The following RRAGC variants were observed in gnomAD, a reference collection of about 807,000 sequenced individuals.
The protein encoded by RRAGC is Ras related GTP binding C, also known as ras-related GTP-binding protein C.
RRAGC carries 8 observed loss-of-function variants against 37.1 expected under a neutral mutation model. The ratio of observed to expected loss-of-function variants is 0.22; its 90% CI spans 0.13 to 0.39. The LOEUF is 0.39. Ranked by LOEUF, RRAGC falls within the 10% of genes least tolerant of loss-of-function variation. RRAGC has a pLI of 1.00. For synonymous variants in RRAGC, 190 were observed against 181.1 expected, an observed-to-expected ratio of 1.05 and a Z score of -0.39; for missense variants, 342 against 497.6, an observed-to-expected ratio of 0.69 and a Z score of 2.98.
intron 1 of RRAGC, among the ~76,000 whole-genome samples, chr1:38,858,124 A>G (rs1341176591): frequency 2.6e-5 from 4 of 151,332 alleles, no homozygotes; most frequent in African/African-American, 7.3e-5. Flanking sequence ...ACCTACAGTC[A>G]ACGTACCCAA....
At chr1:38,844,248 T>C (rs2124217380) in intron 6 of RRAGC, among the ~76,000 whole-genome samples, 1 of 152,120 alleles carries the variant, frequency 6.6e-6, no homozygotes, top group African/African-American at 2.4e-5. Context: ...TGACATGACG[T>C]TGAAGGTAAC....
rs1642003353 is a variant in RRAGC, at chr1:38,844,326, G to C, written c.1048+1613C>G. Among the ~76,000 whole-genome samples the C allele has an allele frequency of 2.0e-5, 3 of 151,878 alleles. No homozygotes were observed. The East Asian group carries it at 5.8e-4, about 29-fold the overall frequency. ...ACATGGGACGAGAGCATGATCCCAA[G>C]TCATAGCTGGAGATGTGAATTTTTC... On this transcript the variant is annotated intron_variant, in intron 6 of 6. Coordinates refer to ENST00000373001, the MANE Select transcript of RRAGC (RefSeq NM_022157.4).
intron 6 of RRAGC, among the ~76,000 whole-genome samples, chr1:38,841,653 C>G (rs1343116712): frequency 6.7e-6 from 1 of 150,216 alleles, no homozygotes; most frequent in Non-Finnish European, 1.5e-5. Context: ...TGTGAGCCAC[C>G]ACACCCACTC....
At chr1:38,852,532 T>C (rs1167149483) in intron 3 of RRAGC, 44 bp from the exon 4 acceptor site, 1 of 909,778 alleles carries the variant, frequency 1.1e-6, no homozygotes, top group Admixed American at 2.1e-5. Context: ...AAATACCTTA[T>C]GTTCTATGAC....
intron 3 of RRAGC, among the ~76,000 whole-genome samples, chr1:38,854,845 G>C (rs996598938): frequency 1.3e-5 from 2 of 152,044 alleles, no homozygotes; most frequent in African/African-American, 4.8e-5. Flanking sequence ...CAATAGAACG[G>C]GGACAGAGAA....
Position 38,859,342 on chromosome 1 carries a change from GGGCGTCCCCGCTACC to G in RRAGC, c.237+53_237+67del, listed in dbSNP as rs1002638290. Reference sequence around the variant, plus strand: ...GGCGGGCCCCGGCCGCCGCCCTCCCGGGCGTCCCCGCTACCGGCCACCTGAGAACCGGGGAGGGGG... The same window carrying G: ...GGCGGGCCCCGGCCGCCGCCCTCCCGGGCCACCTGAGAACCGGGGAGGGGG... On this transcript the variant is annotated intron_variant, in intron 1 of 6. Transcript: ENST00000373001. The G allele has an allele frequency of 2.1e-6, 3 of 1,407,454 alleles. No individual in the cohort carries two copies. The African/African-American group carries it at 4.3e-5, about 20-fold the overall frequency. The allele number at this position is 1,407,454 out of a possible 1,614,324, so 87.2% of individuals were successfully genotyped here. A position where few individuals can be genotyped will look rare whatever the true frequency, so the allele number is the denominator to read the frequency against.
At position 38,856,917 on chromosome 1, in the gene RRAGC, TGAA is replaced by T; in HGVS notation, c.400_402del (p.Phe134del). On this transcript the variant is annotated inframe_deletion, in exon 2 of 7. Transcript: ENST00000373001. Reference sequence around the variant, plus strand: ...ACGTATATCAATGCTCCTGTTCCCCTGAAGATCATCTCATAGTCAAAGGTTGGG... The same window carrying T: ...ACGTATATCAATGCTCCTGTTCCCCTGATCATCTCATAGTCAAAGGTTGGG... The T allele has an allele frequency of 6.2e-7, 1 of 1,614,170 alleles. No homozygotes were observed.
chr1:38,839,609 T>C lies in RRAGC; in HGVS notation c.1144A>G (p.Ser382Gly). 1 of 1,614,044 alleles carries C rather than the reference T, an allele frequency of 6.2e-7. No individual in the cohort carries two copies. Among genetic ancestry groups the C allele is most frequent in the South Asian group, 1.1e-5 (1 of 91,078 alleles). Residue 382 changes from serine to glycine, a missense_variant, in exon 7 of 7, where the codon AGT (serine) becomes GGT (glycine). Physicochemically the swap from Ser to Gly is moderately conservative, Grantham distance 56 (BLOSUM62 0). Around this residue, in one of 3 missense-constraint regions of RRAGC, gnomAD observed 104 missense variants for 127.0 expected, o/e 0.82. Coordinates refer to ENST00000373001, the MANE Select transcript of RRAGC (RefSeq NM_022157.4). Reference protein sequence around the residue: ...TSHRSCGHQTSASSLKALTHN... With the variant: ...TSHRSCGHQTGASSLKALTHN... ...GTCAGCGCTTTCAGACTGGAGGCACTAGTCTGGTGACCACAGCTCCTGTGA... is the reference window on the plus strand; with the variant it reads ...GTCAGCGCTTTCAGACTGGAGGCACCAGTCTGGTGACCACAGCTCCTGTGA...
At chr1:38,845,331 T>C (rs1373996202) in intron 6 of RRAGC, among the ~76,000 whole-genome samples, 1 of 152,116 alleles carries the variant, frequency 6.6e-6, no homozygotes, top group African/African-American at 2.4e-5. Context: ...TGCAGGGACA[T>C]GGATGAAGCT....
At chr1:38,850,689 T>C (rs1642089570) in intron 5 of RRAGC, among the ~76,000 whole-genome samples, 1 of 151,942 alleles carries the variant, frequency 6.6e-6, no homozygotes, top group East Asian at 1.9e-4. Flanking sequence ...GAAAGAGATA[T>C]TTAGACTAGA....
chr1:38,853,544 G>A (rs1232052331), intron 3 of RRAGC, among the ~76,000 whole-genome samples: 5 of 152,152 alleles, frequency 3.3e-5, no homozygotes, highest in African/African-American at 1.2e-4. Flanking sequence ...TCGGGAGTTC[G>A]AGATCAGCCG....
intron 6 of RRAGC, among the ~76,000 whole-genome samples, chr1:38,843,556 T>C (rs930030561): frequency 7.9e-5 from 12 of 151,792 alleles, no homozygotes; most frequent in African/African-American, 2.9e-4. Flanking sequence ...CCGCCTCTAC[T>C]AAAAATACAA....
In RRAGC at chr1:38,851,618, T is replaced by A; in HGVS notation, c.896A>T (p.Tyr299Phe). 1 of 1,527,002 alleles carries A rather than the reference T, an allele frequency of 6.5e-7. No individual in the cohort carries two copies. The highest frequency in any genetic ancestry group is 2.4e-5 in the East Asian group (1 of 41,374). 94.6% of individuals were successfully genotyped at this position (1,527,002 alleles called of 1,614,324 possible). ...IDVVIDVSCIYGLKEDGSGSA... is the reference protein window; with the variant it reads ...IDVVIDVSCIFGLKEDGSGSA... ...CAGGAATATATACATAACTTACCCA[T>A]ATATACAAGACACATCAATTACAAC... The change falls in exon 5 of 7, where the codon TAT becomes TTT. Residue 299 changes from tyrosine (Y) to phenylalanine (F), a missense_variant. Physicochemically the swap from Tyr to Phe is conservative, Grantham distance 22 (BLOSUM62 3). Coordinates refer to ENST00000373001, the MANE Select transcript of RRAGC (RefSeq NM_022157.4).
At chr1:38,853,684 T>C (rs1570868667) in intron 3 of RRAGC, among the ~76,000 whole-genome samples, 1 of 151,634 alleles carries the variant, frequency 6.6e-6, no homozygotes, top group African/African-American at 2.4e-5. Context: ...GAGGCAGAGG[T>C]TGCGGTGAGC....
intron 3 of RRAGC, among the ~76,000 whole-genome samples, chr1:38,853,182 A>G (rs1642121611): frequency 6.6e-6 from 1 of 152,248 alleles, no homozygotes; most frequent in Non-Finnish European, 1.5e-5. Context: ...TTATGTAAAG[A>G]GCATATTAAA....
At chr1:38,849,717 A>G (rs1479684357) in intron 5 of RRAGC, among the ~76,000 whole-genome samples, 1 of 152,082 alleles carries the variant, frequency 6.6e-6, no homozygotes, top group Non-Finnish European at 1.5e-5. Flanking sequence ...AATAAATAAC[A>G]TGTATCTAAC....
rs572897186 is a variant in RRAGC at position 38,841,369 on chromosome 1, T to A, written c.1049-1665A>T. Among the ~76,000 whole-genome samples the A allele has an allele frequency of 8.6e-3, 513 of 59,582 alleles. 2 individuals are homozygous for A. Among genetic ancestry groups the A allele is most frequent in the Middle Eastern group, 0.021 (2 of 94 alleles). The allele number at this position is 59,582 out of a possible 152,430, so 39.1% of individuals were successfully genotyped here. On this transcript the variant is annotated intron_variant, in intron 6 of 6. Transcript: ENST00000373001. ...ACCTGAAAATTTCCATAAACAAAAA[T>A]TTTTTTTTTTTTTTATAGACAGGGT... is the stretch of plus-strand genomic sequence containing the variant.
intron 5 of RRAGC, among the ~76,000 whole-genome samples, chr1:38,848,923 G>C (rs1570864569): frequency 6.6e-6 from 1 of 152,084 alleles, no homozygotes. Flanking sequence ...CTTGAGTCCA[G>C]GAATTCAAGA....
chr1:38,854,594 AT>A (rs1467325345), intron 3 of RRAGC, among the ~76,000 whole-genome samples: 1 of 152,242 alleles, frequency 6.6e-6, no homozygotes. Flanking sequence ...TCCCAAAAAA[AT>A]AAGACTGAAT....
Sources: gnomAD v4.1 joint callset for allele counts (sites outside exome capture counted in the v4.1 genomes callset) on GRCh38, gnomAD v4.1.1 for gene constraint, gnomAD v4.1.1 regional missense constraint, MANE v1.5 for transcripts, NCBI Gene and HGNC (gene_info 2026-07-23, HGNC 2026-07-21) for gene names.